The following SLC38A6 variants were observed in gnomAD, a reference collection of about 807,000 sequenced individuals.
SLC38A6 encodes N system amino acid transporter NAT-1.
Under a neutral mutation model 65.0 loss-of-function variants are expected in SLC38A6, and 73 were observed. The ratio of observed to expected loss-of-function variants is 1.12; its 90% CI spans 0.93 to 1.37. The LOEUF is 1.37. SLC38A6 is among the 40% of genes most tolerant of loss of function. The pLI is 0.00. For synonymous variants in SLC38A6, 183 were observed against 178.8 expected, an observed-to-expected ratio of 1.02 and a Z score of -0.19; for missense variants, 561 against 531.1, an observed-to-expected ratio of 1.06 and a Z score of -0.55.
At chr14:61,067,857 C>T (rs2043081621) in intron 15 of SLC38A6, among the ~76,000 whole-genome samples, 1 of 152,066 alleles carries the variant, frequency 6.6e-6, no homozygotes, top group Non-Finnish European at 1.5e-5. Context: ...GATTCTAGTG[C>T]ATCAGTCACC....
Position 61,046,157 on chromosome 14 carries a change from C to T in SLC38A6, c.915C>T (p.Leu305=). Residue 305 remains leucine, a synonymous_variant, in exon 12 of 16, where the codon CTC becomes CTT. Transcript: ENST00000267488. Reference sequence around the variant, plus strand: ...TTATATCTGCACTCTTTGGGTACCTCACTTTTTATGGTAAGTACATTTTAA... The same window carrying T: ...TTATATCTGCACTCTTTGGGTACCTTACTTTTTATGGTAAGTACATTTTAA... The part of the protein sequence containing the change: ...IYFISALFGY[L]TFYDKVESEL... 1 of 1,589,130 alleles carries T rather than the reference C, an allele frequency of 6.3e-7. No homozygotes were observed. Among genetic ancestry groups the T allele is most frequent in the Non-Finnish European group, 8.6e-7 (1 of 1,158,974 alleles).
intron 8 of SLC38A6, among the ~76,000 whole-genome samples, chr14:61,039,336 A>G (rs2039081): frequency 0.88 from 133,129 of 152,092 alleles, 59,143 homozygotes; most frequent in Non-Finnish European, 0.96. Flanking sequence ...GCTTTTTTAA[A>G]TACTCTTTTT....
intron 8 of SLC38A6, among the ~76,000 whole-genome samples, chr14:61,041,792 C>T (rs775662180): frequency 6.6e-6 from 1 of 151,928 alleles, no homozygotes; most frequent in Non-Finnish European, 1.5e-5. Context: ...CCCAGGCACT[C>T]GGGAGGCTGA....
downstream of SLC38A6, among the ~76,000 whole-genome samples, chr14:61,053,367 T>C (rs2042599540): frequency 6.6e-6 from 1 of 152,176 alleles, no homozygotes; most frequent in African/African-American, 2.4e-5. Context: ...CATGTGTCTT[T>C]ATGGTGGAAT....
chr14:61,046,129 A>AT lies in SLC38A6; in HGVS notation c.891dup (p.Ile298TyrfsTer12). On this transcript the variant is annotated frameshift_variant, in exon 12 of 16. Coordinates refer to ENST00000267488, the MANE Select transcript of SLC38A6 (RefSeq NM_153811.3). LOFTEE classifies it high-confidence loss of function. The stretch of plus-strand genomic sequence containing the variant: ...GCAATTGCTTTAAGTTTTCTCATTT[A>AT]TTTTATATCTGCACTCTTTGGGTAC... The AT allele has an allele frequency of 6.2e-7, 1 of 1,610,696 alleles. No individual in the cohort carries two copies. Among genetic ancestry groups the AT allele is most frequent in the Non-Finnish European group, 8.5e-7 (1 of 1,177,560 alleles).
At chr14:61,073,171 G>T (rs550953897) in intron 15 of SLC38A6, among the ~76,000 whole-genome samples, 2 of 152,244 alleles carry the variant, frequency 1.3e-5, no homozygotes, top group South Asian at 4.1e-4. Context: ...TTAGCCATTT[G>T]TTTGTCCTCT....
intron 3 of SLC38A6, among the ~76,000 whole-genome samples, chr14:61,007,000 A>T (rs891865384): frequency 4.6e-5 from 7 of 152,240 alleles, no homozygotes; most frequent in Non-Finnish European, 1.0e-4. Flanking sequence ...GCCATAAAAA[A>T]TGATGAGTTC....
At chr14:61,013,793 C>T (rs561860746) in intron 3 of SLC38A6, among the ~76,000 whole-genome samples, 25 of 151,184 alleles carry the variant, frequency 1.7e-4, no homozygotes, top group African/African-American at 6.2e-4. Context: ...GGTAACCCGA[C>T]TTTCTCTCTG....
chr14:61,037,700 A>C lies in SLC38A6; in HGVS notation c.624+17A>C. ...GCTCTTGTGGTAAGTTTAAAATATAATACATTGCTTATCTCCTCACTAAAA... is the reference window on the plus strand; with the variant it reads ...GCTCTTGTGGTAAGTTTAAAATATACTACATTGCTTATCTCCTCACTAAAA... On this transcript the variant is annotated intron_variant, in intron 8 of 15. Transcript: ENST00000267488. 1 of 1,502,738 alleles carries C rather than the reference A, an allele frequency of 6.7e-7. No homozygotes were observed. The highest frequency in any genetic ancestry group is 1.2e-5 in the South Asian group (1 of 82,626). 93.1% of individuals were successfully genotyped at this position (1,502,738 alleles called of 1,614,324 possible).
chr14:61,018,521 A>G (rs1308129600), intron 4 of SLC38A6, among the ~76,000 whole-genome samples: 1 of 152,220 alleles, frequency 6.6e-6, no homozygotes, highest in Non-Finnish European at 1.5e-5. Flanking sequence ...AAAGATGGGC[A>G]TGAAAGATTA....
At chr14:60,984,569 G>C (rs987491745) in intron 2 of SLC38A6, among the ~76,000 whole-genome samples, 161 bp from the exon 3 acceptor site, 13 of 151,988 alleles carry the variant, frequency 8.6e-5, no homozygotes, top group Admixed American at 8.5e-4. Context: ...ATACAAAAAA[G>C]TAGAAAAGTA....
At chr14:61,054,289 G>T (rs1404160982), downstream of SLC38A6, among the ~76,000 whole-genome samples, 1 of 152,078 alleles carries the variant, frequency 6.6e-6, no homozygotes, top group African/African-American at 2.4e-5. Flanking sequence ...CTGTAGTATA[G>T]TTTGAAGTGG....
chr14:60,993,013 A>AT (rs2038026172), intron 3 of SLC38A6, among the ~76,000 whole-genome samples: 1 of 151,910 alleles, frequency 6.6e-6, no homozygotes, highest in Non-Finnish European at 1.5e-5. Context: ...CATCCGGCTG[A>AT]TTTTTGTATT....
At chr14:61,019,169 G>C (rs1284026094) in intron 4 of SLC38A6, among the ~76,000 whole-genome samples, 1 of 151,992 alleles carries the variant, frequency 6.6e-6, no homozygotes, top group Admixed American at 6.6e-5. Context: ...ACACCCAGCC[G>C]GTCTTTTTCT....
intron 7 of SLC38A6, among the ~76,000 whole-genome samples, chr14:61,037,418 G>A (rs1376460859): frequency 6.6e-6 from 1 of 152,098 alleles, no homozygotes; most frequent in African/African-American, 2.4e-5. Context: ...TCCTTACAGT[G>A]TACCATTAGT....
intron 6 of SLC38A6, 190 bp downstream of exon 6, chr14:61,030,713 A>G (rs180914036): frequency 8.7e-5 from 43 of 492,064 alleles, no homozygotes; most frequent in African/African-American, 8.2e-4. Flanking sequence ...GATTACCCAT[A>G]TGAAAGCGCT....
At chr14:61,081,482 C>G (rs1423541906) in intron 16 of SLC38A6, among the ~76,000 whole-genome samples, 1 of 152,064 alleles carries the variant, frequency 6.6e-6, no homozygotes, top group South Asian at 2.1e-4. Context: ...GTCAGAAGTT[C>G]GAGACCAGCC....
At position 61,023,600 on chromosome 14, in the gene SLC38A6, T is replaced by TACAC. The variant is rs36081997; in HGVS notation, c.403+4036_403+4039dup. On this transcript the variant is annotated intron_variant, in intron 5 of 15. Transcript: ENST00000267488. ...TAATAATAATAATAATATATATATA[T>TACAC]ACACACACACACACACACATATATG... 3.7e-3 allele frequency among the ~76,000 whole-genome samples: 547 copies of TACAC among 146,828 alleles called. 4 individuals are homozygous for TACAC. Among genetic ancestry groups the TACAC allele is most frequent in the African/African-American group, 0.012 (492 of 39,684 alleles).
chr14:61,061,642 G>A (rs566241147), intron 15 of SLC38A6, among the ~76,000 whole-genome samples: 26 of 152,152 alleles, frequency 1.7e-4, no homozygotes, highest in Non-Finnish European at 3.4e-4. Flanking sequence ...TTAGAAATAT[G>A]CAATTAAGTT....
Sources: allele counts gnomAD v4.1 joint callset (sites outside exome capture counted in the v4.1 genomes callset), GRCh38; gene constraint gnomAD v4.1.1; transcripts MANE v1.5; gene names NCBI Gene and HGNC (gene_info 2026-07-23, HGNC 2026-07-21).